PCGF5: variants seen among roughly 807,000 people sequenced by gnomAD.
The protein encoded by PCGF5 is polycomb group ring finger 5.
A neutral mutation model predicts 44.3 loss-of-function variants in PCGF5; 9 were observed. That is an observed-to-expected ratio of 0.20 (90% CI 0.12 to 0.35). The LOEUF (loss-of-function observed/expected upper bound fraction) is 0.35. Among genes scored for constraint, PCGF5 ranks in the 10% least tolerant of loss-of-function variants. The pLI, the probability that PCGF5 is intolerant of heterozygous loss-of-function variation, is 1.00. For missense variants in PCGF5, 146 were observed against 305.3 expected, an observed-to-expected ratio of 0.48 and a Z score of 3.89; for synonymous variants, 95 against 102.5, an observed-to-expected ratio of 0.93 and a Z score of 0.44.
At chr10:91,170,111 C>T (rs1843576728) in intron 1 of PCGF5, among the ~76,000 whole-genome samples, 1 of 152,148 alleles carries the variant, frequency 6.6e-6, no homozygotes, top group Admixed American at 6.5e-5. Flanking sequence ...CAGACTTCAC[C>T]CGTGTCCCAA....
At chr10:91,189,102 GCTGA>G (rs1244419175) in intron 1 of PCGF5, among the ~76,000 whole-genome samples, 9 of 152,206 alleles carry the variant, frequency 5.9e-5, no homozygotes, top group African/African-American at 1.9e-4. Context: ...TTCTGCCAGG[GCTGA>G]CTAAGACATT....
At position 91,180,324 on chromosome 10, in the gene PCGF5, T is replaced by A. The variant is rs114851135; in HGVS notation, c.-184+17243T>A. Among the ~76,000 whole-genome samples the A allele has an allele frequency of 1.2e-3, 190 of 152,318 alleles. 1 individual carries two copies. Among genetic ancestry groups the A allele is most frequent in the Middle Eastern group, 6.8e-3 (2 of 294 alleles). On this transcript the variant is annotated intron_variant, in intron 1 of 9. Transcript: ENST00000614189. ...TGTTTATTCTGCTGGTAGTTTCTTT[T>A]GCTGTACAGAAGCTCTTTAGTTTAA...
chr10:91,225,018 G>A (rs1844780171), intron 2 of PCGF5, among the ~76,000 whole-genome samples: 1 of 151,964 alleles, frequency 6.6e-6, no homozygotes, highest in South Asian at 2.1e-4. Context: ...TCTGGATGAT[G>A]AGAAGAAGGC....
chr10:91,217,073 G>A (rs565510739), upstream of PCGF5, among the ~76,000 whole-genome samples: 9 of 151,272 alleles, frequency 5.9e-5, no homozygotes, highest in African/African-American at 1.2e-4. Context: ...TCGCTCTGTC[G>A]CCCAGGATGG....
intron 1 of PCGF5, among the ~76,000 whole-genome samples, chr10:91,199,304 G>A (rs1844202239): frequency 6.6e-6 from 1 of 152,230 alleles, no homozygotes; most frequent in South Asian, 2.1e-4. Flanking sequence ...CCTTTGAAGG[G>A]TGGGAAGGCA....
Position 91,167,045 on chromosome 10 carries a change from A to G in PCGF5, c.-184+3964A>G, listed in dbSNP as rs528063176. 7.9e-5 allele frequency among the ~76,000 whole-genome samples: 12 copies of G among 152,344 alleles called. No individual in the cohort carries two copies. The South Asian group carries it at 2.5e-3, about 32-fold the overall frequency. ...AGCTCTATGGTTTCAGAAACCAATA[A>G]AGAAATATACAGTTCTCCTGCAATT... On this transcript the variant is annotated intron_variant, in intron 1 of 9. Coordinates refer to the PCGF5 transcript ENST00000614189.
intron 1 of PCGF5, among the ~76,000 whole-genome samples, chr10:91,208,576 C>T (rs1449898033): frequency 6.6e-6 from 1 of 152,148 alleles, no homozygotes; most frequent in South Asian, 2.1e-4. Flanking sequence ...ACACATTGCT[C>T]TCCCTGTATT....
rs1031512918 is a variant in PCGF5 at position 91,279,443 on chromosome 10, A to G, written c.*1127A>G. Reference sequence around the variant, plus strand: ...ATAGGTTAAGGGTATTTTATTTTAAATCCTGTAGTAATTGGGGAAATGAGA... The same window carrying G: ...ATAGGTTAAGGGTATTTTATTTTAAGTCCTGTAGTAATTGGGGAAATGAGA... On this transcript the variant is annotated 3_prime_UTR_variant, in exon 10 of 10. Transcript: ENST00000336126. 2.0e-5 allele frequency: 3 copies of G among 152,146 alleles called. No individual in the cohort carries two copies. The highest frequency in any genetic ancestry group is 7.2e-5 in the African/African-American group (3 of 41,452). 9.4% of individuals were successfully genotyped at this position (152,146 alleles called of 1,614,324 possible). A position where few individuals can be genotyped will look rare whatever the true frequency, so the allele number is the denominator to read the frequency against.
chr10:91,252,656 T>C (rs1845649270), intron 6 of PCGF5, among the ~76,000 whole-genome samples: 3 of 152,188 alleles, frequency 2.0e-5, no homozygotes, highest in South Asian at 4.1e-4. Flanking sequence ...TTGTTTCTTA[T>C]GGTCTTTCCC....
At chr10:91,240,430 A>G (rs1589388842) in intron 2 of PCGF5, 54 bp from the exon 3 acceptor site, 2 of 1,175,482 alleles carry the variant, frequency 1.7e-6, no homozygotes, top group East Asian at 4.9e-5. Flanking sequence ...TTAGTTTAAC[A>G]TTAAATGAGC....
At chr10:91,266,996 C>T (rs557782237) in intron 8 of PCGF5, among the ~76,000 whole-genome samples, 7 of 152,240 alleles carry the variant, frequency 4.6e-5, no homozygotes, top group Admixed American at 2.6e-4. Flanking sequence ...ATGCCCACTC[C>T]GTTCTCTGAT....
At chr10:91,165,423 C>T (rs1219744614) in intron 1 of PCGF5, among the ~76,000 whole-genome samples, 1 of 152,198 alleles carries the variant, frequency 6.6e-6, no homozygotes, top group Non-Finnish European at 1.5e-5. Context: ...CATATCTTCC[C>T]TCCCCACTGC....
At chr10:91,261,020 G>T (rs1272668012) in intron 6 of PCGF5, among the ~76,000 whole-genome samples, 1 of 147,770 alleles carries the variant, frequency 6.8e-6, no homozygotes, top group Non-Finnish European at 1.5e-5. Context: ...TGCTTTTTGT[G>T]ACCTTTTTTT....
At chr10:91,159,048 GA>G (rs1843349962), upstream of PCGF5, among the ~76,000 whole-genome samples, 3 of 152,210 alleles carry the variant, frequency 2.0e-5, no homozygotes, top group African/African-American at 7.2e-5. Context: ...AGGAAATGTA[GA>G]GAAATTGGAG....
chr10:91,172,608 C>G (rs149603960), intron 1 of PCGF5, among the ~76,000 whole-genome samples: 82 of 152,322 alleles, frequency 5.4e-4, no homozygotes, highest in African/African-American at 1.9e-3. Flanking sequence ...TGGGTCATCT[C>G]TCTCCTTTAA....
At chr10:91,276,025 G>A (rs1344170181) in intron 9 of PCGF5, among the ~76,000 whole-genome samples, 1 of 151,766 alleles carries the variant, frequency 6.6e-6, no homozygotes, top group Admixed American at 6.6e-5. Context: ...CAAATGGTAT[G>A]GAAATAGGTT....
At chr10:91,166,971 A>T (rs12240806) in intron 1 of PCGF5, among the ~76,000 whole-genome samples, 2,287 of 152,318 alleles carry the variant, frequency 0.015, 60 homozygotes, top group African/African-American at 0.053. Flanking sequence ...ATCGGAGAAT[A>T]GGTGGTCAGG....
intron 3 of PCGF5, among the ~76,000 whole-genome samples, chr10:91,246,237 T>C (rs1381475401): frequency 6.6e-6 from 1 of 152,212 alleles, no homozygotes; most frequent in Non-Finnish European, 1.5e-5. Context: ...AAGTGCTGTT[T>C]TTTATTCACT....
chr10:91,271,326 A>G (rs1846177135), intron 8 of PCGF5, among the ~76,000 whole-genome samples: 1 of 152,250 alleles, frequency 6.6e-6, no homozygotes, highest in African/African-American at 2.4e-5. Context: ...TCCCTCGTGT[A>G]TGCAAGAAGT....
Sources: gnomAD v4.1 joint callset for allele counts (sites outside exome capture counted in the v4.1 genomes callset) on GRCh38, gnomAD v4.1.1 for gene constraint, MANE v1.5 for transcripts, NCBI Gene and HGNC (gene_info 2026-07-23, HGNC 2026-07-21) for gene names.